KMT5C: variants seen among roughly 807,000 people sequenced by gnomAD.
The protein encoded by KMT5C is histone-lysine N-methyltransferase KMT5C.
A neutral mutation model predicts 38.2 loss-of-function variants in KMT5C; 16 were observed. That is an observed-to-expected ratio of 0.42 (90% CI 0.28 to 0.64). The LOEUF (loss-of-function observed/expected upper bound fraction) is 0.64. Among genes scored for constraint, KMT5C ranks in the 30% least tolerant of loss-of-function variants. KMT5C has a pLI of 0.23. For synonymous variants in KMT5C, 291 were observed against 279.0 expected, an observed-to-expected ratio of 1.04 and a Z score of -0.43; for missense variants, 598 against 665.1, an observed-to-expected ratio of 0.90 and a Z score of 1.11.
intron 6 of KMT5C, chr19:55,344,576 G>A (rs2089596134): frequency 2.5e-6 from 1 of 403,428 alleles, no homozygotes; most frequent in Non-Finnish European, 5.1e-6. Flanking sequence ...CGAGCTGGGA[G>A]CTGTGCCAAT....
In KMT5C at chr19:55,346,481, C is replaced by T. The variant is rs1245772758; in HGVS notation, c.708-19C>T. 1 of 1,592,038 alleles carries T rather than the reference C, an allele frequency of 6.3e-7. No individual in the cohort carries two copies. The highest frequency in any genetic ancestry group is 1.8e-5 in the Admixed American group (1 of 56,368). Reference sequence around the variant, plus strand: ...CTCCCTTCCACCCGGCCTCATCTCCCCTTCACCCGGTCTCCCAGGAAAGGT... The same window carrying T: ...CTCCCTTCCACCCGGCCTCATCTCCTCTTCACCCGGTCTCCCAGGAAAGGT... On this transcript the variant is annotated intron_variant, in intron 7 of 8. Coordinates refer to ENST00000255613, the MANE Select transcript of KMT5C (RefSeq NM_032701.4).
chr19:55,345,049 G>T (rs554323419), intron 6 of KMT5C: 10 of 455,978 alleles, frequency 2.2e-5, no homozygotes, highest in East Asian at 6.9e-5. Flanking sequence ...ACAGACGCTG[G>T]GGGGGATGGA....
In KMT5C at chr19:55,343,573, C is replaced by A; in HGVS notation, c.387-107C>A. On this transcript the variant is annotated intron_variant, in intron 4 of 8. Transcript: ENST00000255613. The surrounding 1 kb of genome is among the most constrained non-coding windows in gnomAD (Gnocchi z 5.5). ...ATCGCCAATAGCCAGCACCAGCGCC[C>A]AGGAGTCCCTCCTTCCTGGGTGCCT... 9.0e-7 allele frequency: 1 copy of A among 1,106,666 alleles called. No individual in the cohort carries two copies. Among genetic ancestry groups the A allele is most frequent in the Non-Finnish European group, 1.3e-6 (1 of 773,584 alleles). 68.6% of individuals were successfully genotyped at this position (1,106,666 alleles called of 1,614,324 possible). A position where few individuals can be genotyped will look rare whatever the true frequency, so the allele number is the denominator to read the frequency against.
chr19:55,342,907 A>G (rs991883487), intron 4 of KMT5C, 56 bp downstream of exon 4: 42 of 1,082,116 alleles, frequency 3.9e-5, no homozygotes, highest in Non-Finnish European at 5.7e-5. Flanking sequence ...CTCAGAGGGG[A>G]CAAGAGAGAC....
At position 55,343,961 on chromosome 19, in the gene KMT5C, G is replaced by T. The variant is rs769188475; in HGVS notation, c.551-17G>T. On this transcript the variant is annotated splice_polypyrimidine_tract_variant and intron_variant, in intron 5 of 8. Transcript: ENST00000255613. The surrounding 1 kb of genome is among the most constrained non-coding windows in gnomAD (Gnocchi z 5.5). The stretch of plus-strand genomic sequence containing the variant: ...CTCATCTACCTCTCTTCTCTCTCCT[G>T]CCCCAACTGGCTCCAGACTGCAAAC... The T allele has an allele frequency of 8.7e-6, 14 of 1,612,430 alleles. No individual in the cohort carries two copies. Among genetic ancestry groups the T allele is most frequent in the Non-Finnish European group, 1.2e-5 (14 of 1,178,694 alleles).
rs371697643 is a variant in KMT5C, at chr19:55,343,555, A to G, written c.387-125A>G. On this transcript the variant is annotated intron_variant, in intron 4 of 8. Coordinates refer to ENST00000255613, the MANE Select transcript of KMT5C (RefSeq NM_032701.4). The surrounding 1 kb of genome is among the most constrained non-coding windows in gnomAD (Gnocchi z 5.5). ...GGGAGATCTGGAAGATGGATCGCCA[A>G]TAGCCAGCACCAGCGCCCAGGAGTC... is the stretch of plus-strand genomic sequence containing the variant. 2 of 907,820 alleles carry G rather than the reference A, an allele frequency of 2.2e-6. No homozygotes were observed. The highest frequency in any genetic ancestry group is 1.7e-6 in the Non-Finnish European group (1 of 604,578). The allele number at this position is 907,820 out of a possible 1,614,324, so 56.2% of individuals were successfully genotyped here.
intron 1 of KMT5C, among the ~76,000 whole-genome samples, chr19:55,340,557 G>A (rs1569018433): frequency 6.6e-6 from 1 of 151,666 alleles, no homozygotes; most frequent in African/African-American, 2.4e-5. Context: ...GCGCCTCCCT[G>A]GGTCCCCAGG....
chr19:55,341,297 C>T (rs1312862341), intron 1 of KMT5C, among the ~76,000 whole-genome samples: 3 of 152,132 alleles, frequency 2.0e-5, no homozygotes, highest in East Asian at 1.9e-4. Flanking sequence ...CCCTCCCTCC[C>T]GTCACCCGCC....
Position 55,342,308 on chromosome 19 carries a change from GACGCTGGGAGGCTGGACGGCCCGCT to G in KMT5C, c.207_231del (p.Leu70SerfsTer76). The G allele has an allele frequency of 6.3e-7, 1 of 1,585,852 alleles. No homozygotes were observed. The highest frequency in any genetic ancestry group is 8.6e-7 in the Non-Finnish European group (1 of 1,167,850). On this transcript the variant is annotated frameshift_variant, in exon 3 of 9. Transcript: ENST00000255613. LOFTEE classifies it high-confidence loss of function. The stretch of plus-strand genomic sequence containing the variant: ...ACCTGGAGGCTGCGTACCGGGCCCT[GACGCTGGGAGGCTGGACGGCCCGCT>G]ACTTCCAGAGCCGGGGCCCGCGGCA...
At chr19:55,342,612 C>A in intron 3 of KMT5C, 130 bp from the exon 4 acceptor site, 1 of 657,726 alleles carries the variant, frequency 1.5e-6, no homozygotes, top group Non-Finnish European at 2.7e-6. Context: ...GAAACTGAGG[C>A]CCCGAGAGGG....
Position 55,343,967 on chromosome 19 carries a change from A to C in KMT5C, c.551-11A>C, listed in dbSNP as rs1279753778. The C allele has an allele frequency of 6.2e-7, 1 of 1,612,460 alleles. No homozygotes were observed. The highest frequency in any genetic ancestry group is 8.5e-7 in the Non-Finnish European group (1 of 1,178,710). On this transcript the variant is annotated splice_polypyrimidine_tract_variant and intron_variant, in intron 5 of 8. Coordinates refer to ENST00000255613, the MANE Select transcript of KMT5C (RefSeq NM_032701.4). The surrounding 1 kb of genome is among the most constrained non-coding windows in gnomAD (Gnocchi z 5.5). The stretch of plus-strand genomic sequence containing the variant: ...TACCTCTCTTCTCTCTCCTGCCCCA[A>C]CTGGCTCCAGACTGCAAACCCAACT...
In KMT5C at chr19:55,347,153, C is replaced by G. The variant is rs1246445383; in HGVS notation, c.1093C>G (p.His365Asp). The G allele has an allele frequency of 1.3e-6, 2 of 1,537,500 alleles. No individual in the cohort carries two copies. The highest frequency in any genetic ancestry group is 1.4e-5 in the African/African-American group (1 of 73,254). The change falls in exon 9 of 9, where the codon CAC (histidine) becomes GAC (aspartate). Residue 365 changes from histidine (H) to aspartate (D), a missense_variant. Physicochemically the swap from His to Asp is moderately conservative, Grantham distance 81. Coordinates refer to ENST00000255613, the MANE Select transcript of KMT5C (RefSeq NM_032701.4). This position sits in a 1 kb window ranked among gnomAD's most constrained non-coding sequence, Gnocchi z 4.6. ...SLHRWGGCGP[H>D]CRLRGEALVA... The stretch of plus-strand genomic sequence containing the variant: ...GCACCGATGGGGAGGCTGTGGCCCC[C>G]ACTGCCGCCTGCGAGGAGAGGCCCT...
chr19:55,343,674 T>C lies in KMT5C; in HGVS notation c.387-6T>C. Reference sequence around the variant, plus strand: ...CCCACAGCCCTGCCCCCTGGCCTCTTGGCAGGAAAAAGAATGAGAAGCTGG... The same window carrying C: ...CCCACAGCCCTGCCCCCTGGCCTCTCGGCAGGAAAAAGAATGAGAAGCTGG... On this transcript the variant is annotated splice_region_variant and splice_polypyrimidine_tract_variant and intron_variant, in intron 4 of 8. Transcript: ENST00000255613. The surrounding 1 kb of genome is among the most constrained non-coding windows in gnomAD (Gnocchi z 5.5). 6.4e-7 allele frequency: 1 copy of C among 1,552,218 alleles called. No homozygotes were observed.
chr19:55,346,367 G>T lies in KMT5C; in HGVS notation c.707+18G>T, dbSNP rs1399066631. 1 of 1,613,920 alleles carries T rather than the reference G, an allele frequency of 6.2e-7. No individual in the cohort carries two copies. The highest frequency in any genetic ancestry group is 2.2e-5 in the East Asian group (1 of 44,880). On this transcript the variant is annotated intron_variant, in intron 7 of 8. Transcript: ENST00000255613. Reference sequence around the variant, plus strand: ...TGTGAGAGGTGGGACCGGGCGAGAGGCGGCTGGGTTCGGGTCGTCTGGGCT... The same window carrying T: ...TGTGAGAGGTGGGACCGGGCGAGAGTCGGCTGGGTTCGGGTCGTCTGGGCT...
At position 55,347,071 on chromosome 19, in the gene KMT5C, C is replaced by A. The variant is rs934585228; in HGVS notation, c.1011C>A (p.Arg337=). The change falls in exon 9 of 9, where the codon CGC becomes CGA. Residue 337 remains arginine (R), a synonymous_variant. Transcript: ENST00000255613. The surrounding 1 kb of genome is among the most constrained non-coding windows in gnomAD (Gnocchi z 4.6). The part of the protein sequence containing the change: ...QPRVRPRKRR[R]PRPRRAPVLS... The stretch of plus-strand genomic sequence containing the variant: ...GAGTGCGGCCCCGGAAGCGCCGACG[C>A]CCCCGGCCCCGGAGGGCCCCAGTGC... 3 of 1,576,470 alleles carry A rather than the reference C, an allele frequency of 1.9e-6. No individual in the cohort carries two copies. Among genetic ancestry groups the A allele is most frequent in the Admixed American group, 1.7e-5 (1 of 57,348 alleles).
chr19:55,346,481 C>G lies in KMT5C; in HGVS notation c.708-19C>G, dbSNP rs1245772758. On this transcript the variant is annotated intron_variant, in intron 7 of 8. Coordinates refer to ENST00000255613, the MANE Select transcript of KMT5C (RefSeq NM_032701.4). ...CTCCCTTCCACCCGGCCTCATCTCC[C>G]CTTCACCCGGTCTCCCAGGAAAGGT... 1 of 1,591,920 alleles carries G rather than the reference C, an allele frequency of 6.3e-7. No homozygotes were observed. The highest frequency in any genetic ancestry group is 1.3e-5 in the African/African-American group (1 of 74,148).
intron 8 of KMT5C, 94 bp from the exon 9 acceptor site, chr19:55,346,861 AG>A (rs1780557313): frequency 2.5e-5 from 15 of 602,978 alleles, no homozygotes; most frequent in Non-Finnish European, 4.1e-5. Flanking sequence ...AGCGCAGGGC[AG>A]GGCTGCCTCC....
intron 3 of KMT5C, 101 bp downstream of exon 3, chr19:55,342,481 C>A: frequency 1.0e-6 from 1 of 954,756 alleles, no homozygotes. Context: ...AGCGCAGCCC[C>A]TGGGGCCCCC....
Position 55,343,947 on chromosome 19 carries a change from C to T in KMT5C, c.551-31C>T. On this transcript the variant is annotated intron_variant, in intron 5 of 8. Transcript: ENST00000255613. This position sits in a 1 kb window ranked among gnomAD's most constrained non-coding sequence, Gnocchi z 5.5. ...ACTGAGCTGCCGAGCTCATCTACCT[C>T]TCTTCTCTCTCCTGCCCCAACTGGC... 6.2e-7 allele frequency: 1 copy of T among 1,611,384 alleles called. No individual in the cohort carries two copies. The highest frequency in any genetic ancestry group is 8.5e-7 in the Non-Finnish European group (1 of 1,177,800).
Sources: allele counts gnomAD v4.1 joint callset (sites outside exome capture counted in the v4.1 genomes callset), GRCh38; gene constraint gnomAD v4.1.1; non-coding constraint Gnocchi (gnomAD v3.1); transcripts MANE v1.5; gene names NCBI Gene and HGNC (gene_info 2026-07-23, HGNC 2026-07-21).